The following FBXO2 variants were observed in gnomAD, a reference collection of about 807,000 sequenced individuals.
FBXO2 encodes F-box protein 2.
A neutral mutation model predicts 38.6 loss-of-function variants in FBXO2; 32 were observed. The ratio of observed to expected loss-of-function variants is 0.83; its 90% CI spans 0.62 to 1.11. The LOEUF is 1.11. Ranked by LOEUF, FBXO2 falls within the 50% of genes most tolerant of loss-of-function variation. The pLI, the probability that FBXO2 is intolerant of heterozygous loss-of-function variation, is 0.00. For missense variants in FBXO2, 450 were observed against 418.3 expected (o/e 1.08, Z -0.66); for synonymous variants, 189 against 182.9 (o/e 1.03, Z -0.27).
At chr1:11,649,654 G>A in intron 4 of FBXO2, 125 bp downstream of exon 4, 1 of 924,476 alleles carries the variant, frequency 1.1e-6, no homozygotes, top group Non-Finnish European at 1.7e-6. Flanking sequence ...GCAGACCCGT[G>A]GCCCACGTGG....
chr1:11,650,961 C>T, intron 1 of FBXO2, 127 bp from the exon 2 acceptor site: 1 of 1,334,102 alleles, frequency 7.5e-7, no homozygotes, highest in African/African-American at 1.5e-5. Flanking sequence ...GCCGGAGATT[C>T]TGTGACTCCA....
Position 11,648,679 on chromosome 1 carries a change from T to C in FBXO2, c.*15A>G, listed in dbSNP as rs1055547. 0.71 allele frequency: 1,136,839 copies of C among 1,611,366 alleles called. 413,177 individuals carry two copies. Among genetic ancestry groups the C allele is most frequent in the Non-Finnish European group, 0.76 (894,104 of 1,178,822 alleles). On this transcript the variant is annotated 3_prime_UTR_variant, in exon 6 of 6. Coordinates refer to ENST00000354287, the MANE Select transcript of FBXO2 (RefSeq NM_012168.6). This position sits in a 1 kb window ranked among gnomAD's most constrained non-coding sequence, Gnocchi z 4.2. ...GCCCCTCCAGGCAGCTGGGGGAGAGTGGAGGCAGGGTCGCTCAGGGTTCTA... is the reference window on the plus strand; with the variant it reads ...GCCCCTCCAGGCAGCTGGGGGAGAGCGGAGGCAGGGTCGCTCAGGGTTCTA...
In FBXO2 at chr1:11,654,355, G is replaced by A; in HGVS notation, c.-15C>T. ...TCTCCGTCCATCGCTGCGGAGGGCG[G>A]TCGCGAGAGGAGGAGCCGGAGCGCT... On this transcript the variant is annotated 5_prime_UTR_variant, in exon 1 of 6. Coordinates refer to ENST00000354287, the MANE Select transcript of FBXO2 (RefSeq NM_012168.6). 7 of 1,425,024 alleles carry A rather than the reference G, an allele frequency of 4.9e-6. No individual in the cohort carries two copies. Among genetic ancestry groups the A allele is most frequent in the Non-Finnish European group, 6.4e-6 (7 of 1,094,348 alleles). 88.3% of individuals were successfully genotyped at this position (1,425,024 alleles called of 1,614,324 possible).
In FBXO2 at chr1:11,648,863, G is replaced by T; in HGVS notation, c.757-35C>A. 6 of 1,610,670 alleles carry T rather than the reference G, an allele frequency of 3.7e-6. No homozygotes were observed. In the Admixed American group the frequency reaches 5.0e-5, roughly 13 times the overall value. On this transcript the variant is annotated intron_variant, in intron 5 of 5. Transcript: ENST00000354287. The surrounding 1 kb of genome is among the most constrained non-coding windows in gnomAD (Gnocchi z 4.2). ...GAGGTAACAAGAGTCAGCCTCGGAG[G>T]TCCTGAGGCCTCTCCTGCCGCCCCA...
chr1:11,653,546 G>C, intron 1 of FBXO2: 1 of 152,638 alleles, frequency 6.6e-6, no homozygotes, highest in East Asian at 1.9e-4. Flanking sequence ...GGGAATGGGG[G>C]GTGAGGGGGG....
chr1:11,650,538 G>A lies in FBXO2; in HGVS notation c.319C>T (p.Arg107Cys), dbSNP rs746929474. The change falls in exon 2 of 6, where the codon CGC becomes TGC. Residue 107 changes from arginine (R) to cysteine (C), a missense_variant. Transcript: ENST00000354287. ...AAGTAGAACTGCTGCCAGTGGTCGCGCTCCTCCTCCACGCCGCCCTCGGGC... is the reference window on the plus strand; with the variant it reads ...AAGTAGAACTGCTGCCAGTGGTCGCACTCCTCCTCCACGCCGCCCTCGGGC... Reference protein sequence around the residue: ...LVPEGGVEEERDHWQQFYFLS... With the variant: ...LVPEGGVEEECDHWQQFYFLS... 6.4e-5 allele frequency: 103 copies of A among 1,601,352 alleles called. No individual in the cohort carries two copies. Among genetic ancestry groups the A allele is most frequent in the Non-Finnish European group, 8.4e-5 (99 of 1,175,426 alleles).
Position 11,648,995 on chromosome 1 carries a change from C to CCAG in FBXO2, c.756+91_756+92insCTG. ...TCTCAGCCCAGCCCAGCCCAGCCCACCCCAGCCCAGGAGCGCTGTGGGCGG... is the reference window on the plus strand; with the variant it reads ...TCTCAGCCCAGCCCAGCCCAGCCCACCAGCCCAGCCCAGGAGCGCTGTGGGCGG... On this transcript the variant is annotated intron_variant, in intron 5 of 5. Coordinates refer to ENST00000354287, the MANE Select transcript of FBXO2 (RefSeq NM_012168.6). The surrounding 1 kb of genome is among the most constrained non-coding windows in gnomAD (Gnocchi z 4.2). The CCAG allele has an allele frequency of 2.2e-6, 3 of 1,349,028 alleles. No homozygotes were observed. The highest frequency in any genetic ancestry group is 2.0e-6 in the Non-Finnish European group (2 of 981,500). The allele number at this position is 1,349,028 out of a possible 1,614,324, so 83.6% of individuals were successfully genotyped here.
intron 2 of FBXO2, 116 bp downstream of exon 2, chr1:11,650,350 C>A: frequency 6.8e-7 from 1 of 1,474,354 alleles, no homozygotes; most frequent in Non-Finnish European, 9.0e-7. Context: ...TTGGGGCTAC[C>A]CAGTGCTGGC....
intron 1 of FBXO2, among the ~76,000 whole-genome samples, chr1:11,653,684 A>ACC (rs1170454226): frequency 6.6e-6 from 1 of 152,176 alleles, no homozygotes; most frequent in East Asian, 1.9e-4. Context: ...CTCAGCAGGC[A>ACC]ACCCCTGCAG....
chr1:11,650,869 T>C (rs777280598), intron 1 of FBXO2, 35 bp from the exon 2 acceptor site: 1 of 1,557,288 alleles, frequency 6.4e-7, no homozygotes, highest in South Asian at 1.2e-5. Flanking sequence ...CTGTGATTCC[T>C]CCACCCTGTA....
intron 1 of FBXO2, among the ~76,000 whole-genome samples, chr1:11,652,520 ACCGCGGCAG>A (rs1191409587): frequency 1.3e-5 from 2 of 152,222 alleles, no homozygotes; most frequent in Non-Finnish European, 2.9e-5. Flanking sequence ...GGCAGATGTC[ACCGCGGCAG>A]CCGGACTGTC....
In FBXO2 at chr1:11,650,553, C is replaced by T. The variant is rs147238507; in HGVS notation, c.304G>A (p.Gly102Ser). ...CAGTGGTCGCGCTCCTCCTCCACGC[C>T]GCCCTCGGGCACCAGCCCCTCCTGC... ...CQQEGLVPEG[G>S]VEEERDHWQQ... Residue 102 changes from glycine to serine, a missense_variant, in exon 2 of 6, where the codon GGC (glycine) becomes AGC (serine). By Grantham distance (56) the Gly-to-Ser change is moderately conservative. Coordinates refer to ENST00000354287, the MANE Select transcript of FBXO2 (RefSeq NM_012168.6). 7 of 1,596,246 alleles carry T rather than the reference C, an allele frequency of 4.4e-6. No individual in the cohort carries two copies. In the African/African-American group the frequency reaches 6.7e-5, roughly 15 times the overall value.
In FBXO2 at chr1:11,650,661, C is replaced by T; in HGVS notation, c.196G>A (p.Glu66Lys). The change falls in exon 2 of 6, where the codon GAG (glutamate) becomes AAG (lysine). Residue 66 changes from glutamate (E) to lysine (K), a missense_variant. Coordinates refer to ENST00000354287, the MANE Select transcript of FBXO2 (RefSeq NM_012168.6). Reference sequence around the variant, plus strand: ...ACCAGGCGGCAGGCCTGCACCAGCTCGGCGGCCGGCAGTGCGGCCAGCACG... The same window carrying T: ...ACCAGGCGGCAGGCCTGCACCAGCTTGGCGGCCGGCAGTGCGGCCAGCACG... ...LRVLAALPAA[E>K]LVQACRLVCL... The T allele has an allele frequency of 1.3e-6, 2 of 1,549,654 alleles. No homozygotes were observed. The highest frequency in any genetic ancestry group is 1.7e-6 in the Non-Finnish European group (2 of 1,153,298).
rs907176692 is a variant in FBXO2, at chr1:11,652,927, G to C, written c.22+1392C>G. On this transcript the variant is annotated intron_variant, in intron 1 of 5. Transcript: ENST00000354287. ...TCAATCTTACTGAGTGAACCTCATT[G>C]AACACAGCACTTCTCCTTCCTTATT... Among the ~76,000 whole-genome samples the C allele has an allele frequency of 2.3e-4, 35 of 152,308 alleles. No individual in the cohort carries two copies. The East Asian group carries it at 2.5e-3, about 11-fold the overall frequency.
At chr1:11,651,243 CT>C (rs1283151343) in intron 1 of FBXO2, among the ~76,000 whole-genome samples, 13 of 152,180 alleles carry the variant, frequency 8.5e-5, no homozygotes, top group African/African-American at 1.9e-4. Flanking sequence ...GGACTTCCCC[CT>C]ATGACACCCT....
At chr1:11,652,028 T>C (rs1278734832) in intron 1 of FBXO2, among the ~76,000 whole-genome samples, 1 of 152,200 alleles carries the variant, frequency 6.6e-6, no homozygotes, top group African/African-American at 2.4e-5. Context: ...AGGGTCTCAC[T>C]CTGTTGCTCA....
intron 2 of FBXO2, 70 bp from the exon 3 acceptor site, chr1:11,650,144 T>TG (rs1352532527): frequency 2.5e-6 from 4 of 1,590,950 alleles, no homozygotes; most frequent in South Asian, 1.1e-5. Flanking sequence ...CACTATGTGG[T>TG]GGGGGGCAGG....
At position 11,654,383 on chromosome 1, in the gene FBXO2, G is replaced by A. The variant is rs1639623817; in HGVS notation, c.-43C>T. The stretch of plus-strand genomic sequence containing the variant: ...GCGAGAGGAGGAGCCGGAGCGCTGC[G>A]GGCTGCGCGAGTCCCGGGGCGGCGA... On this transcript the variant is annotated 5_prime_UTR_variant, in exon 1 of 6. Transcript: ENST00000354287. 18 of 1,363,732 alleles carry A rather than the reference G, an allele frequency of 1.3e-5. No homozygotes were observed. Among genetic ancestry groups the A allele is most frequent in the South Asian group, 1.7e-5 (1 of 59,600 alleles). 84.5% of individuals were successfully genotyped at this position (1,363,732 alleles called of 1,614,324 possible). A position where few individuals can be genotyped will look rare whatever the true frequency, so the allele number is the denominator to read the frequency against.
chr1:11,648,576 G>A lies in FBXO2; in HGVS notation c.*118C>T. 7.2e-7 allele frequency: 1 copy of A among 1,380,608 alleles called. No homozygotes were observed. Among genetic ancestry groups the A allele is most frequent in the Non-Finnish European group, 9.9e-7 (1 of 1,010,740 alleles). 85.5% of individuals were successfully genotyped at this position (1,380,608 alleles called of 1,614,324 possible). A position where few individuals can be genotyped will look rare whatever the true frequency, so the allele number is the denominator to read the frequency against. On this transcript the variant is annotated 3_prime_UTR_variant, in exon 6 of 6. Coordinates refer to ENST00000354287, the MANE Select transcript of FBXO2 (RefSeq NM_012168.6). The surrounding 1 kb of genome is among the most constrained non-coding windows in gnomAD (Gnocchi z 4.2). ...GCTCAGGGGCTGGGATCGGAGCAAG[G>A]GATGGGAGGAGGATGTGTGGCTTGG...
Sources: gnomAD v4.1 joint callset for allele counts (sites outside exome capture counted in the v4.1 genomes callset) on GRCh38, gnomAD v4.1.1 for gene constraint, Gnocchi (gnomAD v3.1) non-coding constraint, MANE v1.5 for transcripts, NCBI Gene and HGNC (gene_info 2026-07-23, HGNC 2026-07-21) for gene names.